Variants in LRBA observed in about 807,000 individuals in gnomAD.
LRBA encodes the protein LPS responsive beige-like anchor protein.
Under a neutral mutation model 330.0 loss-of-function variants are expected in LRBA, and 176 were observed. The ratio of observed to expected loss-of-function variants is 0.53; its 90% CI spans 0.47 to 0.60. The LOEUF (loss-of-function observed/expected upper bound fraction) is 0.60, where lower values mean the gene tolerates loss of function less well. Among genes scored for constraint, LRBA ranks in the 20% least tolerant of loss-of-function variants. LRBA has a pLI of 0.00. For synonymous variants in LRBA, 1,230 were observed against 1,193.0 expected (o/e 1.03, Z -0.64); for missense variants, 3,259 against 3,444.8 (o/e 0.95, Z 1.35).
chr4:150,948,845 A>G (rs1250255697), intron 2 of LRBA, among the ~76,000 whole-genome samples: 2 of 151,992 alleles, frequency 1.3e-5, no homozygotes, highest in African/African-American at 4.8e-5. Flanking sequence ...CAAAAAGTCT[A>G]ACATCATTAG....
At chr4:150,422,092 T>C (rs1044820263) in intron 46 of LRBA, among the ~76,000 whole-genome samples, 1 of 151,986 alleles carries the variant, frequency 6.6e-6, no homozygotes, top group African/African-American at 2.4e-5. Flanking sequence ...ACCCCATCTC[T>C]ACAAAAAAAG....
rs184045980 is a variant in LRBA, at chr4:150,927,101, G to A, written c.549+1415C>T. On this transcript the variant is annotated intron_variant, in intron 4 of 56. Coordinates refer to ENST00000651943, the MANE Select transcript of LRBA (RefSeq NM_001364905.1). ...AAGAAAAAAAAAAAAAAGGCCAGGC[G>A]CGGTGGCTCACACCTGTAATCTCAG... Among the ~76,000 whole-genome samples, 417 of 149,944 alleles carry A rather than the reference G, an allele frequency of 2.8e-3. 7 individuals carry two copies. Among genetic ancestry groups the A allele is most frequent in the Admixed American group, 0.026 (391 of 15,054 alleles).
At chr4:150,963,181 CCTCCCCTTTGCACGGTCCTCGT>C (rs1243692690) in intron 2 of LRBA, among the ~76,000 whole-genome samples, 15 of 148,386 alleles carry the variant, frequency 1.0e-4, no homozygotes, top group Non-Finnish European at 2.1e-4. Flanking sequence ...TCCCCCTCCC[CCTCCCCTTTGCACGGTCCTCGT>C]CTCCCCTTTG....
chr4:150,637,427 A>G (rs1360353305), intron 37 of LRBA, among the ~76,000 whole-genome samples: 1 of 152,182 alleles, frequency 6.6e-6, no homozygotes, highest in Non-Finnish European at 1.5e-5. Context: ...GCTCCAACAT[A>G]GCCCGTAAAT....
intron 46 of LRBA, among the ~76,000 whole-genome samples, chr4:150,432,453 CTTTTTTTTT>C (rs35393002): frequency 0.033 from 3,265 of 98,502 alleles, 131 homozygotes; most frequent in African/African-American, 0.13. Flanking sequence ...TAAGTGTGTT[CTTTTTTTTT>C]TTTTTTTTTT....
rs1747000607 is a variant in LRBA, at chr4:150,277,831, T to C, written c.8468+22A>G. ...CTGCAGTTTTTGAAACCCCTATTTG[T>C]AGCCCATGATTCCAGTGTTACCTCT... On this transcript the variant is annotated intron_variant, in intron 56 of 56. Coordinates refer to ENST00000651943, the MANE Select transcript of LRBA (RefSeq NM_001364905.1). 3.1e-6 allele frequency: 5 copies of C among 1,611,508 alleles called. No individual in the cohort carries two copies. In the African/African-American group the frequency reaches 5.3e-5, roughly 17 times the overall value.
intron 36 of LRBA, among the ~76,000 whole-genome samples, chr4:150,720,635 C>T (rs1246804879): frequency 6.6e-6 from 1 of 151,798 alleles, no homozygotes; most frequent in Non-Finnish European, 1.5e-5. Context: ...TTAAGTGTTA[C>T]TAAGCAAGAA....
At chr4:150,519,389 A>C (rs1316245451) in intron 40 of LRBA, among the ~76,000 whole-genome samples, 1 of 152,148 alleles carries the variant, frequency 6.6e-6, no homozygotes, top group Non-Finnish European at 1.5e-5. Context: ...TCCTGTAAAC[A>C]TTCACTGTTC....
intron 47 of LRBA, among the ~76,000 whole-genome samples, chr4:150,372,342 A>G (rs1204024583): frequency 6.6e-6 from 1 of 151,894 alleles, no homozygotes; most frequent in East Asian, 1.9e-4. Context: ...GGGCATGGTG[A>G]CGCATGCCTG....
chr4:150,312,533 T>C (rs1450596774), intron 51 of LRBA, among the ~76,000 whole-genome samples: 1 of 151,970 alleles, frequency 6.6e-6, no homozygotes, highest in East Asian at 1.9e-4. Flanking sequence ...TAGCTGAGTG[T>C]AATTTCTTGC....
At chr4:150,485,708 C>T (rs1005356309) in intron 42 of LRBA, among the ~76,000 whole-genome samples, 1 of 151,964 alleles carries the variant, frequency 6.6e-6, no homozygotes, top group African/African-American at 2.4e-5. Context: ...TGATTTTGAA[C>T]TTCTTGCCTC....
rs1178854341 is a variant in LRBA at position 151,000,544 on chromosome 4, G to A, written c.216+13883C>T. 2.0e-5 allele frequency among the ~76,000 whole-genome samples: 3 copies of A among 152,232 alleles called. No homozygotes were observed. The South Asian group carries it at 6.2e-4, about 32-fold the overall frequency. On this transcript the variant is annotated intron_variant, in intron 2 of 56. Transcript: ENST00000651943. The stretch of plus-strand genomic sequence containing the variant: ...CCATGACAGTCAATCTGATCGTGGA[G>A]AGGGTAGTCACTTAGTAAAGTGACT...
At chr4:150,385,373 A>C (rs1742910689) in intron 47 of LRBA, among the ~76,000 whole-genome samples, 1 of 152,184 alleles carries the variant, frequency 6.6e-6, no homozygotes, top group Admixed American at 6.5e-5. Context: ...GTCATAAAAA[A>C]TAAACTCGTT....
intron 38 of LRBA, among the ~76,000 whole-genome samples, chr4:150,593,950 A>C (rs979151034): frequency 6.6e-6 from 1 of 152,162 alleles, no homozygotes. Context: ...GCAATTAAAA[A>C]ATTTTTAAAT....
At chr4:150,856,238 CTAAT>C (rs1040724733) in intron 22 of LRBA, among the ~76,000 whole-genome samples, 1 of 152,110 alleles carries the variant, frequency 6.6e-6, no homozygotes, top group African/African-American at 2.4e-5. Context: ...CTAAGTACTC[CTAAT>C]AAGAATACAG....
chr4:150,609,685 T>C (rs571508610), intron 37 of LRBA, among the ~76,000 whole-genome samples: 1 of 152,266 alleles, frequency 6.6e-6, no homozygotes, highest in Admixed American at 6.5e-5. Context: ...ACACTTATGC[T>C]TTGGTGGCAA....
chr4:150,391,247 C>T lies in LRBA; in HGVS notation c.7194+24191G>A, dbSNP rs183801025. ...ATGATGAAACCAGACAGAAGGAACC[C>T]GGGTCCTTTGATGACATCATGGATT... On this transcript the variant is annotated intron_variant, in intron 47 of 56. Coordinates refer to ENST00000651943, the MANE Select transcript of LRBA (RefSeq NM_001364905.1). Among the ~76,000 whole-genome samples the T allele has an allele frequency of 4.6e-5, 7 of 152,228 alleles. No homozygotes were observed. In the East Asian group the frequency reaches 9.7e-4, roughly 21 times the overall value.
intron 37 of LRBA, among the ~76,000 whole-genome samples, chr4:150,677,556 T>TA (rs1193440126): frequency 6.6e-6 from 1 of 152,192 alleles, no homozygotes; most frequent in Non-Finnish European, 1.5e-5. Context: ...CTCAGAATTA[T>TA]AAAAAGCACA....
chr4:150,719,171 CAG>C (rs1478098793), intron 36 of LRBA, among the ~76,000 whole-genome samples: 1 of 152,060 alleles, frequency 6.6e-6, no homozygotes, highest in Non-Finnish European at 1.5e-5. Flanking sequence ...TCTTTCACAA[CAG>C]AGTTTTAGAA....
Sources: gnomAD v4.1 joint callset for allele counts (sites outside exome capture counted in the v4.1 genomes callset) on GRCh38, gnomAD v4.1.1 for gene constraint, MANE v1.5 for transcripts, NCBI Gene and HGNC (gene_info 2026-07-23, HGNC 2026-07-21) for gene names.